Variants in NXPE2 observed in about 807,000 individuals in gnomAD.
NXPE2 encodes NXPE family member 2.
In NXPE2, 34 loss-of-function variants were observed where a neutral mutation model predicts 34.4. The ratio of observed to expected loss-of-function variants is 0.99; its 90% confidence interval spans 0.75 to 1.31. NXPE2 has a LOEUF of 1.31. Ranked by LOEUF, NXPE2 falls within the 40% of genes most tolerant of loss-of-function variation. The pLI is 0.00. For missense variants in NXPE2, 649 were observed against 672.5 expected (o/e 0.97, Z 0.39); for synonymous variants, 235 against 231.3 (o/e 1.02, Z -0.15).
the NXPE2 span, among the ~76,000 whole-genome samples, chr11:114,588,442 C>T: frequency 6.6e-6 from 1 of 152,178 alleles, no homozygotes; most frequent in Non-Finnish European, 1.5e-5. Flanking sequence ...TGTTATGCTG[C>T]TCCTAAGCCA....
the NXPE2 span, among the ~76,000 whole-genome samples, chr11:114,472,224 C>T: frequency 1.3e-5 from 2 of 152,164 alleles, no homozygotes; most frequent in African/African-American, 4.8e-5. Flanking sequence ...ACATACCGAG[C>T]ACAAACTGCA....
chr11:114,755,457 A>G, the NXPE2 span, among the ~76,000 whole-genome samples: 18 of 152,294 alleles, frequency 1.2e-4, no homozygotes, highest in Admixed American at 4.6e-4. Flanking sequence ...TGATAAATCA[A>G]TAAGCATCCA....
At chr11:114,646,724 T>C in the NXPE2 span, among the ~76,000 whole-genome samples, 2 of 152,222 alleles carry the variant, frequency 1.3e-5, no homozygotes, top group Non-Finnish European at 2.9e-5. Flanking sequence ...AGATAGTTTC[T>C]CTTTATTAAT....
chr11:114,731,511 G>A, the NXPE2 span, among the ~76,000 whole-genome samples: 11 of 152,276 alleles, frequency 7.2e-5, no homozygotes, highest in East Asian at 1.9e-3. Context: ...ACAGTTCATG[G>A]TACATCCATA....
At chr11:114,552,907 T>G in the NXPE2 span, 462,300 of 944,496 alleles carry the variant, frequency 0.49, 118,228 homozygotes, top group African/African-American at 0.85. Flanking sequence ...GCAGCAAAAT[T>G]AATGAAATAA....
rs1156625654 is a variant in NXPE2 at position 114,698,208 on chromosome 11, C to A, written c.296C>A (p.Pro99His). ...EKLDQQIPPRPFTHVNTTTSA... is the reference protein window; with the variant it reads ...EKLDQQIPPRHFTHVNTTTSA... Reference sequence around the variant, plus strand: ...CTAGACCAGCAGATCCCACCCAGACCTTTCACCCATGTGAATACCACCACC... The same window carrying A: ...CTAGACCAGCAGATCCCACCCAGACATTTCACCCATGTGAATACCACCACC... The change falls in exon 3 of 6, where the codon CCT becomes CAT. Residue 99 changes from proline (P) to histidine (H), a missense_variant. Transcript: ENST00000389586. 6.2e-7 allele frequency: 1 copy of A among 1,614,024 alleles called. No homozygotes were observed. The highest frequency in any genetic ancestry group is 8.5e-7 in the Non-Finnish European group (1 of 1,179,988).
the NXPE2 span, among the ~76,000 whole-genome samples, chr11:114,776,477 G>A: frequency 2.6e-5 from 4 of 152,246 alleles, no homozygotes; most frequent in Admixed American, 2.6e-4. Context: ...GCTCGAGGCA[G>A]TGCTCTCCGA....
the NXPE2 span, among the ~76,000 whole-genome samples, chr11:114,719,446 C>T: frequency 6.6e-6 from 1 of 152,188 alleles, no homozygotes; most frequent in Non-Finnish European, 1.5e-5. Flanking sequence ...GCCACAGGCT[C>T]AGGAGGGTCG....
the NXPE2 span, among the ~76,000 whole-genome samples, chr11:114,807,215 C>T: frequency 0.96 from 141,019 of 146,888 alleles, 67,915 homozygotes; most frequent in Middle Eastern, 1. Flanking sequence ...AAGGAACAAC[C>T]AGTACCAGCC....
At chr11:114,531,961 T>C in the NXPE2 span, among the ~76,000 whole-genome samples, 1 of 152,238 alleles carries the variant, frequency 6.6e-6, no homozygotes, top group Non-Finnish European at 1.5e-5. Flanking sequence ...CTAGATCAGC[T>C]GATTCATAAT....
chr11:114,711,725 G>A (rs1041029465), downstream of NXPE2, among the ~76,000 whole-genome samples: 1 of 152,056 alleles, frequency 6.6e-6, no homozygotes, highest in African/African-American at 2.4e-5. Flanking sequence ...AAAACCCAGT[G>A]GCATTTTTTG....
At chr11:114,684,915 G>A (rs1951017860) in intron 2 of NXPE2, among the ~76,000 whole-genome samples, 1 of 152,160 alleles carries the variant, frequency 6.6e-6, no homozygotes, top group South Asian at 2.1e-4. Flanking sequence ...TTAGGTATTG[G>A]AGGAACTGCC....
chr11:114,509,705 G>A, the NXPE2 span, among the ~76,000 whole-genome samples: 1 of 152,170 alleles, frequency 6.6e-6, no homozygotes, highest in Admixed American at 6.5e-5. Context: ...TCACTTATAA[G>A]TGGAAGCTAA....
chr11:114,784,289 C>T, the NXPE2 span, among the ~76,000 whole-genome samples: 1 of 152,172 alleles, frequency 6.6e-6, no homozygotes, highest in Non-Finnish European at 1.5e-5. Context: ...CCCGCAGCTC[C>T]CAAATAACAT....
chr11:114,813,096 C>T, the NXPE2 span, among the ~76,000 whole-genome samples: 1 of 152,174 alleles, frequency 6.6e-6, no homozygotes, highest in Non-Finnish European at 1.5e-5. Flanking sequence ...TATTTATGCC[C>T]TGATCAACTG....
chr11:114,531,855 C>T, the NXPE2 span, among the ~76,000 whole-genome samples: 34,608 of 152,090 alleles, frequency 0.23, 5,563 homozygotes, highest in African/African-American at 0.45. Flanking sequence ...CTATACGGTG[C>T]TTTATAAGCA....
At chr11:114,630,373 T>A in the NXPE2 span, among the ~76,000 whole-genome samples, 5 of 151,830 alleles carry the variant, frequency 3.3e-5, no homozygotes, top group South Asian at 2.1e-4. Context: ...ACACCACATT[T>A]CTACAACTAT....
the NXPE2 span, among the ~76,000 whole-genome samples, chr11:114,605,870 T>C: frequency 3.3e-5 from 5 of 151,166 alleles, no homozygotes; most frequent in Non-Finnish European, 5.9e-5. Flanking sequence ...TGGTGGATAA[T>C]AAGTGTTGCC....
the NXPE2 span, chr11:114,583,472 A>C: frequency 1.2e-5 from 8 of 659,254 alleles, 1 homozygote; most frequent in East Asian, 3.2e-4. Flanking sequence ...TGACTACATT[A>C]AATTCTTGTG....
Sources: gnomAD v4.1 joint callset for allele counts (sites outside exome capture counted in the v4.1 genomes callset) on GRCh38, gnomAD v4.1.1 for gene constraint, MANE v1.5 for transcripts, NCBI Gene and HGNC (gene_info 2026-07-23, HGNC 2026-07-21) for gene names.